Variants in CXorf38 observed in about 807,000 individuals in gnomAD.
CXorf38 encodes uncharacterized protein CXorf38.
Under a neutral mutation model 27.5 loss-of-function variants are expected in CXorf38, and 13 were observed. That is an observed-to-expected ratio of 0.47 (90% CI 0.31 to 0.75). CXorf38 has a LOEUF of 0.75. Among genes scored for constraint, CXorf38 ranks in the 30% least tolerant of loss-of-function variants. The pLI is 0.05. For synonymous variants in CXorf38, 100 were observed against 99.8 expected, an observed-to-expected ratio of 1.00 and a Z score of -0.01; for missense variants, 240 against 253.2, an observed-to-expected ratio of 0.95 and a Z score of 0.35.
chrX:40,636,674 T>C lies in CXorf38; in HGVS notation c.660A>G (p.Glu220=). 8.3e-7 allele frequency: 1 copy of C among 1,208,529 alleles called. No homozygotes were observed. The highest frequency in any genetic ancestry group is 1.1e-6 in the Non-Finnish European group (1 of 893,697). The stretch of plus-strand genomic sequence containing the variant: ...CACATTCACACCCATCTCGCTGATC[T>C]TCCTCGGGGATGTGAACAGCCCAGT... The part of the protein sequence containing the change: ...TSDWAVHIPE[E]DQRDGCECEM... The change falls in exon 5 of 7, where the codon GAA becomes GAG. Residue 220 remains glutamate, a synonymous_variant. Transcript: ENST00000327877.
At chrX:40,635,682 A>G (rs1928038806) in intron 5 of CXorf38, among the ~76,000 whole-genome samples, 1 of 112,384 alleles carries the variant, frequency 8.9e-6, no homozygotes, top group Non-Finnish European at 1.9e-5. Flanking sequence ...GTCCTAAACT[A>G]GAAACATTGA....
chrX:40,642,964 C>T (rs910743192), intron 2 of CXorf38, among the ~76,000 whole-genome samples: 5 of 110,206 alleles, frequency 4.5e-5, no homozygotes, highest in African/African-American at 1.7e-4. Context: ...TTGGTAGAGA[C>T]GGGGTTTCAC....
intron 5 of CXorf38, 113 bp from the exon 6 acceptor site, chrX:40,630,886 C>T (rs1443689593): frequency 1.4e-6 from 1 of 695,606 alleles, no homozygotes; most frequent in Non-Finnish European, 2.1e-6. Flanking sequence ...GCCCAAGAGA[C>T]AGAAATCTTG....
rs1927574290 is a variant in CXorf38 at position 40,627,428 on chromosome X, T to C, written c.*2736A>G. 8.9e-6 allele frequency: 1 copy of C among 112,471 alleles called. No homozygotes were observed. The highest frequency in any genetic ancestry group is 9.4e-5 in the Admixed American group (1 of 10,625). 9.3% of individuals were successfully genotyped at this position (112,471 alleles called of 1,213,427 possible). On this transcript the variant is annotated 3_prime_UTR_variant, in exon 7 of 7. Transcript: ENST00000327877. ...TTGGTCTCAAACTCCTGACCTCAGG[T>C]GATCCGCCCTACTCAGCCTCCCAAA...
At chrX:40,635,407 C>T (rs775692059) in intron 5 of CXorf38, among the ~76,000 whole-genome samples, 1 of 112,591 alleles carries the variant, frequency 8.9e-6, no homozygotes, top group East Asian at 2.8e-4. Context: ...AGCACAGCTC[C>T]GTGAATTTGC....
At chrX:40,646,894 A>T in intron 2 of CXorf38, 113 bp downstream of exon 2, 1 of 854,116 alleles carries the variant, frequency 1.2e-6, no homozygotes, top group Non-Finnish European at 1.6e-6. Context: ...CCCTTGATCA[A>T]TCTCTCTCTC....
intron 5 of CXorf38, among the ~76,000 whole-genome samples, chrX:40,635,590 T>C (rs145352023): frequency 0.018 from 1,987 of 113,013 alleles, 16 homozygotes; most frequent in Middle Eastern, 0.06. Context: ...TCTACTACTG[T>C]TAATTTCTTT....
chrX:40,632,324 AC>A (rs1173262805), intron 5 of CXorf38, among the ~76,000 whole-genome samples: 1 of 108,789 alleles, frequency 9.2e-6, no homozygotes, highest in Non-Finnish European at 1.9e-5. Flanking sequence ...CTACCTCCTG[AC>A]CCCCCCTGCA....
At chrX:40,634,724 T>C (rs771222926) in intron 5 of CXorf38, among the ~76,000 whole-genome samples, 4 of 111,996 alleles carry the variant, frequency 3.6e-5, no homozygotes, top group Non-Finnish European at 7.5e-5. Flanking sequence ...AAATTTCATA[T>C]ATGTGGAAAC....
intron 2 of CXorf38, among the ~76,000 whole-genome samples, chrX:40,645,488 G>T (rs1928532200): frequency 9.0e-6 from 1 of 110,975 alleles, no homozygotes; most frequent in African/African-American, 3.3e-5. Context: ...CTTTCTTTCT[G>T]TTTTTTTTCT....
rs749518692 is a variant in CXorf38 at position 40,647,347 on chromosome X, G to T, written c.174C>A (p.Ala58=). The T allele has an allele frequency of 8.9e-7, 1 of 1,122,736 alleles. No individual in the cohort carries two copies. The highest frequency in any genetic ancestry group is 3.2e-5 in the Admixed American group (1 of 31,550). The allele number at this position is 1,122,736 out of a possible 1,213,427, so 92.5% of individuals were successfully genotyped here. The change falls in exon 1 of 7, where the codon GCC becomes GCA. Residue 58 remains alanine (A), a synonymous_variant. Transcript: ENST00000327877. ...TGCACCGTGAGCCGCCGCGGCAGAC[G>T]GCGCGGGGCCCCAGGCCGGGGGCTG... ...LAAAPGLGPR[A]VCRGGSRCSP... is the part of the protein sequence containing the mutation.
rs1367865329 is a variant in CXorf38, at chrX:40,627,256, T to C, written c.*2908A>G. 9.3e-6 allele frequency: 1 copy of C among 107,590 alleles called. No homozygotes were observed. Among genetic ancestry groups the C allele is most frequent in the East Asian group, 3.0e-4 (1 of 3,383 alleles). 8.9% of individuals were successfully genotyped at this position (107,590 alleles called of 1,213,427 possible). A position where few individuals can be genotyped will look rare whatever the true frequency, so the allele number is the denominator to read the frequency against. The stretch of plus-strand genomic sequence containing the variant: ...CCCAGGCTGGAATGCAGTGGTGTGA[T>C]CTCGGCTCACTGCAACCTCCACCTC... On this transcript the variant is annotated 3_prime_UTR_variant, in exon 7 of 7. Transcript: ENST00000327877.
At chrX:40,646,781 G>A (rs1569273643) in intron 2 of CXorf38, among the ~76,000 whole-genome samples, 1 of 111,242 alleles carries the variant, frequency 9.0e-6, no homozygotes, top group Non-Finnish European at 1.9e-5. Flanking sequence ...TTTCCAAGCA[G>A]GGGTAACAAA....
intron 5 of CXorf38, 51 bp from the exon 6 acceptor site, chrX:40,630,824 T>C (rs1440572069): frequency 8.8e-7 from 1 of 1,135,378 alleles, no homozygotes; most frequent in South Asian, 2.0e-5. Flanking sequence ...TATAGCAGAT[T>C]TGTAATTCAA....
chrX:40,630,867 T>C (rs1361067131), intron 5 of CXorf38, 94 bp from the exon 6 acceptor site: 5 of 841,265 alleles, frequency 5.9e-6, no homozygotes, highest in Non-Finnish European at 8.3e-6. Context: ...GACTGGCTCC[T>C]ACTCACGTGC....
At chrX:40,646,622 A>T (rs1928591633) in intron 2 of CXorf38, among the ~76,000 whole-genome samples, 1 of 110,803 alleles carries the variant, frequency 9.0e-6, no homozygotes. Context: ...TCCTTACGGC[A>T]TCCTATAGCC....
intron 3 of CXorf38, among the ~76,000 whole-genome samples, chrX:40,637,991 T>G (rs1928150423): frequency 8.9e-6 from 1 of 112,001 alleles, no homozygotes; most frequent in African/African-American, 3.3e-5. Context: ...GTATTCCACA[T>G]TCCCCCAAAA....
At chrX:40,643,887 CT>C (rs1173666125) in intron 2 of CXorf38, among the ~76,000 whole-genome samples, 1 of 112,547 alleles carries the variant, frequency 8.9e-6, no homozygotes, top group African/African-American at 3.2e-5. Flanking sequence ...ATGTGACTAG[CT>C]TCTTTCACTC....
intron 3 of CXorf38, among the ~76,000 whole-genome samples, chrX:40,637,767 G>C (rs1928139389): frequency 8.9e-6 from 1 of 112,051 alleles, no homozygotes; most frequent in African/African-American, 3.2e-5. Flanking sequence ...ATGGCTCCTG[G>C]GCAACAATTC....
Sources: allele counts gnomAD v4.1 joint callset (sites outside exome capture counted in the v4.1 genomes callset), GRCh38; gene constraint gnomAD v4.1.1; transcripts MANE v1.5; gene names NCBI Gene and HGNC (gene_info 2026-07-23, HGNC 2026-07-21).